Variants in HTR3D observed in about 807,000 individuals in gnomAD.
The protein encoded by HTR3D is 5-hydroxytryptamine (serotonin) receptor 3 family member D.
In HTR3D, 47 loss-of-function variants were observed where a neutral mutation model predicts 45.8. That is an observed-to-expected ratio of 1.03 (90% confidence interval 0.81 to 1.31). The LOEUF is 1.31. Among genes scored for constraint, HTR3D ranks in the 50% most tolerant of loss-of-function variants. HTR3D has a pLI of 0.00. For synonymous variants in HTR3D, 203 were observed against 199.8 expected (o/e 1.02, Z -0.13); for missense variants, 448 against 506.9 (o/e 0.88, Z 1.12).
chr3:184,037,803 G>A (rs1357039175), intron 5 of HTR3D, among the ~76,000 whole-genome samples: 1 of 152,196 alleles, frequency 6.6e-6, no homozygotes, highest in East Asian at 1.9e-4. Flanking sequence ...TGACACCTTG[G>A]GCCAAAAGGA....
rs921713866 is a variant in HTR3D at position 184,037,026 on chromosome 3, C to A, written c.516+130C>A. ...TACGGGCGTGAACCACGAAGCCCGG[C>A]CTTTGTCACTCTTTTTTTTTTTTTA... On this transcript the variant is annotated intron_variant, in intron 5 of 7. Transcript: ENST00000428798. 3 of 789,594 alleles carry A rather than the reference C, an allele frequency of 3.8e-6. No individual in the cohort carries two copies. The Admixed American group carries it at 9.1e-5, about 24-fold the overall frequency. 48.9% of individuals were successfully genotyped at this position (789,594 alleles called of 1,614,324 possible).
At chr3:184,036,264 C>T in intron 3 of HTR3D, 111 bp from the exon 4 acceptor site, 1 of 1,506,150 alleles carries the variant, frequency 6.6e-7, no homozygotes, top group South Asian at 1.3e-5. Flanking sequence ...GAGCAGTCAT[C>T]TGAGTGGGGC....
intron 1 of HTR3D, among the ~76,000 whole-genome samples, chr3:184,034,714 G>A (rs1237070411): frequency 1.3e-5 from 2 of 152,150 alleles, no homozygotes; most frequent in South Asian, 2.1e-4. Context: ...CCAGCTGCTC[G>A]GGAGGCTGAG....
intron 2 of HTR3D, 168 bp from the exon 3 acceptor site, chr3:184,035,847 C>T: frequency 4.9e-6 from 3 of 612,690 alleles, no homozygotes; most frequent in Non-Finnish European, 8.2e-6. Context: ...GGCCCACCAC[C>T]ACACCCAGCT....
chr3:184,035,698 T>C (rs866704553), intron 2 of HTR3D, among the ~76,000 whole-genome samples: 1,523 of 152,004 alleles, frequency 0.01, 22 homozygotes, highest in Middle Eastern at 0.037. Flanking sequence ...TTCTTTTTTT[T>C]TTTTTTTGAG....
intron 1 of HTR3D, 186 bp from the exon 2 acceptor site, chr3:184,034,992 A>G: frequency 4.4e-6 from 6 of 1,356,060 alleles, no homozygotes; most frequent in Non-Finnish European, 5.9e-6. Context: ...ATGGACCTTC[A>G]TACTGTGTTT....
chr3:184,036,218 C>G (rs1289370391), intron 3 of HTR3D, 118 bp downstream of exon 3: 1 of 1,482,404 alleles, frequency 6.7e-7, no homozygotes, highest in Admixed American at 2.4e-5. Context: ...AATTGAAGAG[C>G]TTACAAACCC....
At chr3:184,033,687 C>T (rs747023607) in intron 1 of HTR3D, among the ~76,000 whole-genome samples, 1 of 151,988 alleles carries the variant, frequency 6.6e-6, no homozygotes, top group Non-Finnish European at 1.5e-5. Context: ...GAGGCTGAGG[C>T]GGGTAGATCA....
chr3:184,036,234 A>G, intron 3 of HTR3D, 134 bp downstream of exon 3: 1 of 1,483,694 alleles, frequency 6.7e-7, no homozygotes, highest in Non-Finnish European at 9.0e-7. Flanking sequence ...AACCCCCAGA[A>G]TATGATTATA....
intron 5 of HTR3D, 70 bp from the exon 6 acceptor site, chr3:184,037,951 T>C: frequency 1.9e-6 from 3 of 1,567,348 alleles, no homozygotes; most frequent in Non-Finnish European, 2.6e-6. Flanking sequence ...AAATCCCAGT[T>C]CTTACTCTTA....
At chr3:184,032,241 G>A (rs772063177) in intron 1 of HTR3D, among the ~76,000 whole-genome samples, 3 of 152,270 alleles carry the variant, frequency 2.0e-5, no homozygotes, top group Non-Finnish European at 4.4e-5. Flanking sequence ...TGATCTGCCC[G>A]CGTGGGCCTC....
At position 184,039,015 on chromosome 3, in the gene HTR3D, T is replaced by G; in HGVS notation, c.*40T>G. 1 of 1,604,306 alleles carries G rather than the reference T, an allele frequency of 6.2e-7. No individual in the cohort carries two copies. On this transcript the variant is annotated 3_prime_UTR_variant, in exon 8 of 8. Coordinates refer to ENST00000428798, the MANE Select transcript of HTR3D (RefSeq NM_001145143.1). ...GCAAACTTCAGTCTGGACTTCTTTT[T>G]GCCAGAGAACTCCAGAAACCAGTCA...
intron 5 of HTR3D, among the ~76,000 whole-genome samples, chr3:184,037,191 C>A (rs1722932799): frequency 6.6e-6 from 1 of 152,190 alleles, no homozygotes; most frequent in South Asian, 2.1e-4. Context: ...AAGGGCCCGC[C>A]ACCATGCCCG....
At position 184,038,443 on chromosome 3, in the gene HTR3D, G is replaced by T; in HGVS notation, c.804G>T (p.Val268=). 6.2e-7 allele frequency: 1 copy of T among 1,614,094 alleles called. No homozygotes were observed. The highest frequency in any genetic ancestry group is 8.5e-7 in the Non-Finnish European group (1 of 1,179,990). ...TCGCCCTGTGCCTGTCCCTGATGGT[G>T]GGCAGCCTGCTGGAGACCATCTTCA... ...VYFALCLSLM[V]GSLLETIFIT... Residue 268 remains valine (V), a synonymous_variant, in exon 7 of 8, where the codon GTG becomes GTT. Transcript: ENST00000428798. This position sits in a 1 kb window ranked among gnomAD's most constrained non-coding sequence, Gnocchi z 4.5.
At chr3:184,037,223 A>G (rs1310998096) in intron 5 of HTR3D, among the ~76,000 whole-genome samples, 1 of 151,788 alleles carries the variant, frequency 6.6e-6, no homozygotes, top group Non-Finnish European at 1.5e-5. Context: ...TATTTTTAGT[A>G]GAGATGGGGT....
chr3:184,031,565 G>A, upstream of HTR3D: 1 of 573,872 alleles, frequency 1.7e-6, no homozygotes, highest in East Asian at 2.9e-5. Context: ...CCCAGTTAAA[G>A]CACAGGGTGA....
At chr3:184,036,229 C>A in intron 3 of HTR3D, 129 bp downstream of exon 3, 1 of 1,484,240 alleles carries the variant, frequency 6.7e-7, no homozygotes, top group Non-Finnish European at 9.0e-7. Flanking sequence ...TTACAAACCC[C>A]CAGAATATGA....
Position 184,039,050 on chromosome 3 carries a change from T to TCAGTCCAAATTG in HTR3D, c.*78_*79insTCCAAATTGCAG. On this transcript the variant is annotated 3_prime_UTR_variant, in exon 8 of 8. Transcript: ENST00000428798. The stretch of plus-strand genomic sequence containing the variant: ...CTCCAGAAACCAGTCAGGCTCTCAG[T>TCAGTCCAAATTG]CAGCCTTGTGGCCCTGTCAACCGCC... The TCAGTCCAAATTG allele has an allele frequency of 1.2e-6, 1 of 854,958 alleles. No individual in the cohort carries two copies. The allele number at this position is 854,958 out of a possible 1,614,324, so 53.0% of individuals were successfully genotyped here. A position where few individuals can be genotyped will look rare whatever the true frequency, so the allele number is the denominator to read the frequency against.
chr3:184,038,763 G>T lies in HTR3D; in HGVS notation c.1003G>T (p.Val335Leu). ...THLPGVKEPE[V>L]SAGQMPGPGE... The stretch of plus-strand genomic sequence containing the variant: ...TTCTGTAGGTGTGAAGGAGCCAGAG[G>T]TATCAGCAGGGCAGATGCCAGGCCC... The change falls in exon 8 of 8, where the codon GTA (valine) becomes TTA (leucine). Residue 335 changes from valine to leucine, a missense_variant. Transcript: ENST00000428798. The surrounding 1 kb of genome is among the most constrained non-coding windows in gnomAD (Gnocchi z 4.5). The T allele has an allele frequency of 6.2e-7, 1 of 1,605,306 alleles. No homozygotes were observed. The highest frequency in any genetic ancestry group is 8.5e-7 in the Non-Finnish European group (1 of 1,175,358).
Sources: allele counts gnomAD v4.1 joint callset (sites outside exome capture counted in the v4.1 genomes callset), GRCh38; gene constraint gnomAD v4.1.1; non-coding constraint Gnocchi (gnomAD v3.1); transcripts MANE v1.5; gene names NCBI Gene and HGNC (gene_info 2026-07-23, HGNC 2026-07-21).